Variants in PTPRK observed in about 807,000 individuals in gnomAD.
PTPRK encodes the protein receptor-type tyrosine-protein phosphatase kappa.
In PTPRK, 75 loss-of-function variants were observed where a neutral mutation model predicts 178.0. That is an observed-to-expected ratio of 0.42 (90% CI 0.35 to 0.51). PTPRK has a LOEUF of 0.51. Ranked by LOEUF, PTPRK falls within the 20% of genes least tolerant of loss-of-function variation. The pLI is 0.02. For synonymous variants in PTPRK, 637 were observed against 620.6 expected (o/e 1.03, Z -0.39); for missense variants, 1,441 against 1,797.8 (o/e 0.80, Z 3.59).
intron 3 of PTPRK, among the ~76,000 whole-genome samples, chr6:128,266,008 C>A (rs1296473800): frequency 2.0e-5 from 3 of 152,052 alleles, no homozygotes; most frequent in Non-Finnish European, 2.9e-5. Flanking sequence ...AGAAAATAGA[C>A]CCTCATTAGA....
At chr6:128,019,342 G>A (rs751058837) in intron 13 of PTPRK, among the ~76,000 whole-genome samples, 26 of 152,036 alleles carry the variant, frequency 1.7e-4, no homozygotes, top group Non-Finnish European at 2.6e-4. Context: ...CAAAACATGG[G>A]GGTGAGGTGG....
At chr6:128,075,680 A>ACC (rs1783681434) in intron 11 of PTPRK, among the ~76,000 whole-genome samples, 2 of 152,074 alleles carry the variant, frequency 1.3e-5, no homozygotes, top group Non-Finnish European at 2.9e-5. Context: ...ATAGAATGTT[A>ACC]TTGAGTCAAC....
chr6:128,338,286 A>G (rs1410749829), intron 2 of PTPRK, among the ~76,000 whole-genome samples: 1 of 152,176 alleles, frequency 6.6e-6, no homozygotes, highest in Non-Finnish European at 1.5e-5. Flanking sequence ...GGTGATGTGA[A>G]GCAGCCAATC....
chr6:128,195,318 T>C (rs1047650638), intron 6 of PTPRK, among the ~76,000 whole-genome samples: 56 of 151,976 alleles, frequency 3.7e-4, no homozygotes, highest in Non-Finnish European at 1.8e-4. Flanking sequence ...AATACATACT[T>C]TGTAATCATT....
At chr6:128,508,373 T>C (rs907517040) in intron 1 of PTPRK, among the ~76,000 whole-genome samples, 3 of 150,734 alleles carry the variant, frequency 2.0e-5, no homozygotes, top group Admixed American at 1.3e-4. Context: ...ATCAGGATCA[T>C]GCTCTTAAAA....
At chr6:128,370,540 C>A (rs556838339) in intron 2 of PTPRK, among the ~76,000 whole-genome samples, 2 of 152,056 alleles carry the variant, frequency 1.3e-5, no homozygotes, top group Admixed American at 6.5e-5. Flanking sequence ...TTCATCATAT[C>A]ATCTTAGCTT....
chr6:128,371,814 T>TGCAGTGATCCGAGATCGTGCCAC (rs1836334626), intron 2 of PTPRK, among the ~76,000 whole-genome samples: 1 of 151,488 alleles, frequency 6.6e-6, no homozygotes, highest in Non-Finnish European at 1.5e-5. Context: ...AGGTCGAGGC[T>TGCAGTGATCCGAGATCGTGCCAC]GCAGTGATCC....
At chr6:127,997,322 A>G (rs1440743946) in intron 16 of PTPRK, among the ~76,000 whole-genome samples, 1 of 152,132 alleles carries the variant, frequency 6.6e-6, no homozygotes, top group Non-Finnish European at 1.5e-5. Flanking sequence ...TAATGCATCA[A>G]AACTGCAAAA....
At chr6:128,285,846 G>A (rs1298744543) in intron 3 of PTPRK, among the ~76,000 whole-genome samples, 2 of 151,846 alleles carry the variant, frequency 1.3e-5, no homozygotes, top group Admixed American at 1.3e-4. Flanking sequence ...AGAAAGAAAT[G>A]TCATAGGAAA....
chr6:128,448,022 C>T (rs1847259832), intron 1 of PTPRK, among the ~76,000 whole-genome samples: 1 of 152,298 alleles, frequency 6.6e-6, no homozygotes, highest in Admixed American at 6.5e-5. Flanking sequence ...TACTCCATGA[C>T]TCAGAAATAT....
chr6:128,461,464 C>T (rs949896558), intron 1 of PTPRK, among the ~76,000 whole-genome samples: 1 of 152,138 alleles, frequency 6.6e-6, no homozygotes, highest in African/African-American at 2.4e-5. Flanking sequence ...TACAAAAGTT[C>T]CAGCACACAT....
intron 1 of PTPRK, among the ~76,000 whole-genome samples, chr6:128,430,243 G>A (rs958215454): frequency 6.6e-6 from 1 of 152,308 alleles, no homozygotes; most frequent in African/African-American, 2.4e-5. Flanking sequence ...GAGACAGATA[G>A]GGAGAAAGTT....
chr6:128,484,852 T>C (rs921212109), intron 1 of PTPRK, among the ~76,000 whole-genome samples: 5 of 152,226 alleles, frequency 3.3e-5, no homozygotes, highest in African/African-American at 7.2e-5. Flanking sequence ...AATAGTTTCC[T>C]TTCCTTTCAG....
chr6:128,465,592 C>A (rs1849745350), intron 1 of PTPRK, among the ~76,000 whole-genome samples: 1 of 152,184 alleles, frequency 6.6e-6, no homozygotes, highest in Non-Finnish European at 1.5e-5. Flanking sequence ...CTGACTTTAT[C>A]ACTTGTCCAG....
At chr6:128,318,254 A>T (rs909717483) in intron 3 of PTPRK, among the ~76,000 whole-genome samples, 6 of 152,196 alleles carry the variant, frequency 3.9e-5, no homozygotes, top group Non-Finnish European at 5.9e-5. Flanking sequence ...TTTTTATTCA[A>T]GTAAAAATGG....
intron 3 of PTPRK, among the ~76,000 whole-genome samples, chr6:128,298,390 T>A (rs189860229): frequency 6.6e-6 from 1 of 151,412 alleles, no homozygotes; most frequent in Non-Finnish European, 1.5e-5. Flanking sequence ...GAGGCCAGCA[T>A]CATCCTGATA....
At chr6:128,087,746 G>T (rs1417796976) in intron 8 of PTPRK, among the ~76,000 whole-genome samples, 1 of 151,990 alleles carries the variant, frequency 6.6e-6, no homozygotes, top group East Asian at 1.9e-4. Context: ...ATAAGTCTTA[G>T]GTTTATTCTC....
intron 13 of PTPRK, among the ~76,000 whole-genome samples, chr6:128,060,021 G>C (rs1395762522): frequency 2.0e-5 from 3 of 152,054 alleles, no homozygotes; most frequent in Non-Finnish European, 4.4e-5. Flanking sequence ...TATTTCTCTA[G>C]GAACATGGTG....
At chr6:128,272,559 G>A (rs533720895) in intron 3 of PTPRK, among the ~76,000 whole-genome samples, 2 of 152,200 alleles carry the variant, frequency 1.3e-5, no homozygotes, top group Non-Finnish European at 2.9e-5. Flanking sequence ...GATATGAACA[G>A]ATGCTTCTCA....
Sources: allele counts gnomAD v4.1 joint callset (sites outside exome capture counted in the v4.1 genomes callset), GRCh38; gene constraint gnomAD v4.1.1; transcripts MANE v1.5; gene names NCBI Gene and HGNC (gene_info 2026-07-23, HGNC 2026-07-21).